SFMBT2: variants seen among roughly 807,000 people sequenced by gnomAD.
SFMBT2 encodes Scm like with four mbt domains 2.
Under a neutral mutation model 110.1 loss-of-function variants are expected in SFMBT2, and 38 were observed. The observed-to-expected ratio is 0.35, with a 90% CI of 0.27 to 0.45. The LOEUF (loss-of-function observed/expected upper bound fraction) is 0.45. Ranked by LOEUF, SFMBT2 falls within the 20% of genes least tolerant of loss-of-function variation. The probability of loss-of-function intolerance (pLI) is 1.00; values close to 1 mark genes in which losing one functional copy is unlikely to be tolerated. For synonymous variants in SFMBT2, 425 were observed against 425.4 expected (o/e 1.00, Z 0.01); for missense variants, 1,011 against 1,094.9 (o/e 0.92, Z 1.08).
At chr10:7,348,648 A>G (rs1844197725) in intron 4 of SFMBT2, among the ~76,000 whole-genome samples, 1 of 152,260 alleles carries the variant, frequency 6.6e-6, no homozygotes, top group Non-Finnish European at 1.5e-5. Context: ...TTAAAAGACA[A>G]ACATTTAAGC....
chr10:7,397,924 T>C (rs531575550), intron 1 of SFMBT2, among the ~76,000 whole-genome samples: 10 of 152,346 alleles, frequency 6.6e-5, no homozygotes, highest in African/African-American at 2.2e-4. Context: ...CATCCCATCA[T>C]CAAGTGAGAC....
intron 2 of SFMBT2, among the ~76,000 whole-genome samples, chr10:7,376,264 G>T (rs1171934650): frequency 6.6e-6 from 1 of 152,082 alleles, no homozygotes; most frequent in Non-Finnish European, 1.5e-5. Context: ...GGTGTCTGCT[G>T]GGGAGGCCAC....
chr10:7,224,292 C>T lies in SFMBT2; in HGVS notation c.1203+3563G>A, dbSNP rs1839838329. Among the ~76,000 whole-genome samples, 3 of 152,172 alleles carry T rather than the reference C, an allele frequency of 2.0e-5. No homozygotes were observed. In the South Asian group the frequency reaches 6.2e-4, roughly 32 times the overall value. On this transcript the variant is annotated intron_variant, in intron 10 of 20. Transcript: ENST00000397167. ...GCTCAAATCTCAATTGAGTTCACCT[C>T]TCCTAGGCTGCTTGGAGTCTTCCTG...
chr10:7,177,555 G>A (rs1838106809), intron 16 of SFMBT2, among the ~76,000 whole-genome samples: 1 of 152,140 alleles, frequency 6.6e-6, no homozygotes, highest in African/African-American at 2.4e-5. Flanking sequence ...AATCCCATAG[G>A]AGTGGCGGCC....
intron 6 of SFMBT2, among the ~76,000 whole-genome samples, chr10:7,281,072 C>G (rs1841938101): frequency 6.6e-6 from 1 of 152,100 alleles, no homozygotes; most frequent in Admixed American, 6.6e-5. Context: ...GAGATCCCAT[C>G]TCTACAAAAT....
intron 6 of SFMBT2, among the ~76,000 whole-genome samples, chr10:7,281,332 G>C (rs550621664): frequency 2.0e-4 from 30 of 152,234 alleles, no homozygotes; most frequent in African/African-American, 7.2e-4. Context: ...CAGAGCAGAT[G>C]GTCCCGGCAG....
At chr10:7,164,982 C>G (rs562887870) in intron 20 of SFMBT2, among the ~76,000 whole-genome samples, 1 of 152,214 alleles carries the variant, frequency 6.6e-6, no homozygotes, top group Non-Finnish European at 1.5e-5. Context: ...GACCCTTCCA[C>G]TGGACATCTC....
chr10:7,205,785 T>C, intron 12 of SFMBT2, 30 bp downstream of exon 12: 2 of 1,607,162 alleles, frequency 1.2e-6, no homozygotes, highest in Non-Finnish European at 1.7e-6. Context: ...ACTGGTGTCA[T>C]CCACCCCCCC....
intron 11 of SFMBT2, chr10:7,215,855 AC>A: frequency 2.5e-6 from 1 of 394,290 alleles, no homozygotes; most frequent in Non-Finnish European, 3.5e-6. Flanking sequence ...GGCGGTATAG[AC>A]CCCCATGGGA....
chr10:7,277,135 A>T, intron 6 of SFMBT2, 146 bp from the exon 7 acceptor site: 1 of 590,586 alleles, frequency 1.7e-6, no homozygotes. Context: ...CACCATGAGC[A>T]GCCACCTGCT....
intron 7 of SFMBT2, among the ~76,000 whole-genome samples, chr10:7,272,679 T>C (rs61834648): frequency 0.15 from 23,127 of 152,184 alleles, 1,934 homozygotes; most frequent in Non-Finnish European, 0.2. Flanking sequence ...AGGTGGGACA[T>C]TGGGAGACTG....
rs1039156277 is a variant in SFMBT2, at chr10:7,205,509, C to A, written c.1444+306G>T. 11 of 977,030 alleles carry A rather than the reference C, an allele frequency of 1.1e-5. No homozygotes were observed. In the Admixed American group the frequency reaches 6.4e-4, roughly 57 times the overall value. The allele number at this position is 977,030 out of a possible 1,614,324, so 60.5% of individuals were successfully genotyped here. A position where few individuals can be genotyped will look rare whatever the true frequency, so the allele number is the denominator to read the frequency against. On this transcript the variant is annotated intron_variant, in intron 12 of 20. Transcript: ENST00000397167. The stretch of plus-strand genomic sequence containing the variant: ...AAATGGTAACACAATAATATAGTAT[C>A]TAACATATTTTTTCACATCAAAACA...
At chr10:7,278,403 G>A (rs1841846183) in intron 6 of SFMBT2, among the ~76,000 whole-genome samples, 1 of 152,166 alleles carries the variant, frequency 6.6e-6, no homozygotes, top group African/African-American at 2.4e-5. Context: ...GTGCACTCAG[G>A]CAAGCTCGTG....
At chr10:7,254,242 T>C (rs1840919051) in intron 7 of SFMBT2, among the ~76,000 whole-genome samples, 1 of 152,146 alleles carries the variant, frequency 6.6e-6, no homozygotes, top group African/African-American at 2.4e-5. Context: ...TCCGATCCTA[T>C]ATTCTATCAT....
In SFMBT2 at chr10:7,171,898, T is replaced by C; in HGVS notation, c.2412A>G (p.Thr804=). ...TGTCCCCACGCCCGGGCATCACCTC[T>C]GTCCCCTCGGGCTTGGTCGGCGGGC... ...EKCPPTKPEG[T]EDTKQEEEER... The change falls in exon 19 of 21, where the codon ACA becomes ACG. Residue 804 remains threonine, a synonymous_variant. Coordinates refer to ENST00000397167, the MANE Select transcript of SFMBT2 (RefSeq NM_001387889.1). The surrounding 1 kb of genome is among the most constrained non-coding windows in gnomAD (Gnocchi z 4.9). 1 of 1,431,786 alleles carries C rather than the reference T, an allele frequency of 7.0e-7. No homozygotes were observed. Among genetic ancestry groups the C allele is most frequent in the Non-Finnish European group, 9.1e-7 (1 of 1,095,852 alleles). 88.7% of individuals were successfully genotyped at this position (1,431,786 alleles called of 1,614,324 possible). A position where few individuals can be genotyped will look rare whatever the true frequency, so the allele number is the denominator to read the frequency against.
At chr10:7,261,426 T>C (rs542122155) in intron 7 of SFMBT2, among the ~76,000 whole-genome samples, 1 of 152,246 alleles carries the variant, frequency 6.6e-6, no homozygotes, top group Non-Finnish European at 1.5e-5. Context: ...TTTATAGACC[T>C]GCAGTCTCTC....
intron 4 of SFMBT2, among the ~76,000 whole-genome samples, chr10:7,320,814 T>G (rs1843162717): frequency 6.6e-6 from 1 of 152,204 alleles, no homozygotes; most frequent in Non-Finnish European, 1.5e-5. Flanking sequence ...CATTTTTCAC[T>G]GGGAGATTAA....
In SFMBT2 at chr10:7,293,196, C is replaced by T. The variant is rs1246068494; in HGVS notation, c.437-7242G>A. On this transcript the variant is annotated intron_variant, in intron 4 of 20. Transcript: ENST00000397167. The surrounding 1 kb of genome is among the most constrained non-coding windows in gnomAD (Gnocchi z 4.6). ...CCCAAGCAGCTGGGATTACAGGCAC[C>T]CACCACCATCTCCAGCCTCAGCTTC... Among the ~76,000 whole-genome samples the T allele has an allele frequency of 6.6e-6, 1 of 151,888 alleles. No individual in the cohort carries two copies. The highest frequency in any genetic ancestry group is 1.5e-5 in the Non-Finnish European group (1 of 67,958).
intron 20 of SFMBT2, among the ~76,000 whole-genome samples, chr10:7,165,443 T>G (rs1247558204): frequency 6.6e-6 from 1 of 152,242 alleles, no homozygotes; most frequent in Non-Finnish European, 1.5e-5. Flanking sequence ...TAAGCAAGCA[T>G]AGATTCATCA....
Sources: allele counts gnomAD v4.1 joint callset (sites outside exome capture counted in the v4.1 genomes callset), GRCh38; gene constraint gnomAD v4.1.1; non-coding constraint Gnocchi (gnomAD v3.1); transcripts MANE v1.5; gene names NCBI Gene and HGNC (gene_info 2026-07-23, HGNC 2026-07-21).